NWD1: variants seen among roughly 807,000 people sequenced by gnomAD.
The protein encoded by NWD1 is NACHT and WD repeat domain containing 1, also known as NACHT domain- and WD repeat-containing protein 1.
NWD1 carries 129 observed loss-of-function variants against 135.1 expected under a neutral mutation model. The ratio of observed to expected loss-of-function variants is 0.96; its 90% CI spans 0.83 to 1.11. The LOEUF (loss-of-function observed/expected upper bound fraction) is 1.11. NWD1 is among the 50% of genes least tolerant of loss of function. NWD1 has a pLI of 0.00. For synonymous variants in NWD1, 773 were observed against 786.0 expected, an observed-to-expected ratio of 0.98 and a Z score of 0.28; for missense variants, 1,740 against 1,851.3, an observed-to-expected ratio of 0.94 and a Z score of 1.10.
rs1349346791 is a variant in NWD1 at position 16,799,994 on chromosome 19, C to T, written c.3568C>T (p.Gln1190Ter). 4 of 1,614,094 alleles carry T rather than the reference C, an allele frequency of 2.5e-6. No homozygotes were observed. Among genetic ancestry groups the T allele is most frequent in the East Asian group, 4.5e-5 (2 of 44,890 alleles). ...GGCTTTGGTGGCATCTGCTTCCCCA[C>T]AGTCCTCATCTTTCAAGGTCTGGGA... The part of the protein sequence containing the change: ...GGALVASASP[Q>*]SSSFKVWDLS... The change falls in exon 17 of 19, where the codon CAG (glutamine) becomes TAG (stop). Residue 1190 changes from glutamine (Q) to a stop codon, truncating the protein, a stop_gained. Coordinates refer to ENST00000524140, the MANE Select transcript of NWD1 (RefSeq NM_001007525.5). LOFTEE classifies it high-confidence loss of function.
At chr19:16,804,673 G>C (rs919822351) in intron 17 of NWD1, among the ~76,000 whole-genome samples, 2 of 151,924 alleles carry the variant, frequency 1.3e-5, no homozygotes, top group African/African-American at 4.8e-5. Flanking sequence ...CAAGATCAAG[G>C]TGCCAGCAAC....
At position 16,789,051 on chromosome 19, in the gene NWD1, T is replaced by C. The variant is rs1342805623; in HGVS notation, c.2801T>C (p.Leu934Pro). 1 of 1,613,426 alleles carries C rather than the reference T, an allele frequency of 6.2e-7. No homozygotes were observed. Among genetic ancestry groups the C allele is most frequent in the East Asian group, 2.2e-5 (1 of 44,884 alleles). The change falls in exon 13 of 19, where the codon CTG becomes CCG. Residue 934 changes from leucine (L) to proline (P), a missense_variant. Coordinates refer to ENST00000524140, the MANE Select transcript of NWD1 (RefSeq NM_001007525.5). ...AACTCTGCTTCAAAGGATTACACGC[T>C]GCACTTGTGGAACTTACTCTCTGGC... ...LANSASKDYT[L>P]HLWNLLSGQE...
intron 6 of NWD1, among the ~76,000 whole-genome samples, chr19:16,753,660 T>C (rs1462552637): frequency 6.6e-6 from 1 of 152,072 alleles, no homozygotes; most frequent in Non-Finnish European, 1.5e-5. Context: ...CTGAGTGGAG[T>C]CCAGGGATGC....
chr19:16,758,521 C>T (rs1014181325), intron 6 of NWD1, among the ~76,000 whole-genome samples: 6 of 152,164 alleles, frequency 3.9e-5, no homozygotes, highest in African/African-American at 1.4e-4. Flanking sequence ...GAGCAGTCCT[C>T]CTGCCTCAGC....
intron 12 of NWD1, among the ~76,000 whole-genome samples, chr19:16,786,988 A>G (rs1970061352): frequency 6.6e-6 from 1 of 152,092 alleles, no homozygotes; most frequent in Non-Finnish European, 1.5e-5. Context: ...TTTCCTCCAC[A>G]TCTCTCATGA....
At chr19:16,793,084 AG>A (rs1177415447) in intron 14 of NWD1, among the ~76,000 whole-genome samples, 4 of 151,796 alleles carry the variant, frequency 2.6e-5, no homozygotes, top group African/African-American at 9.7e-5. Context: ...AAAGAAAAGA[AG>A]AAGAAGAATC....
intron 11 of NWD1, among the ~76,000 whole-genome samples, chr19:16,774,456 C>T (rs1969529357): frequency 6.6e-6 from 1 of 151,582 alleles, no homozygotes; most frequent in South Asian, 2.1e-4. Flanking sequence ...TCTACTGTTC[C>T]ACTGTTCCAT....
Position 16,807,629 on chromosome 19 carries a change from T to C in NWD1, c.3780T>C (p.Cys1260=), listed in dbSNP as rs775368938. Residue 1260 remains cysteine (C), a synonymous_variant, in exon 18 of 19, where the codon TGT becomes TGC. Coordinates refer to ENST00000524140, the MANE Select transcript of NWD1 (RefSeq NM_001007525.5). The part of the protein sequence containing the change: ...DSLDTSSEIR[C]LEVAEQRKLL... ...TGGACACCTCCAGTGAGATCAGGTG[T>C]CTGGAGGTTGCTGAGCAGCGCAAGC... 1.3e-5 allele frequency: 20 copies of C among 1,552,260 alleles called. No homozygotes were observed. In the East Asian group the frequency reaches 2.5e-4, roughly 19 times the overall value.
chr19:16,733,413 C>A (rs576560206), intron 3 of NWD1, among the ~76,000 whole-genome samples: 1 of 149,952 alleles, frequency 6.7e-6, no homozygotes, highest in Admixed American at 6.7e-5. Context: ...CCCAGCTACT[C>A]GGGAGGCTGG....
At chr19:16,786,900 C>T (rs1970059348) in intron 12 of NWD1, among the ~76,000 whole-genome samples, 1 of 152,216 alleles carries the variant, frequency 6.6e-6, no homozygotes, top group Admixed American at 6.5e-5. Flanking sequence ...GAGCGCCATC[C>T]TCATAACCTA....
chr19:16,773,408 T>A, intron 11 of NWD1, 85 bp downstream of exon 11: 1 of 1,190,052 alleles, frequency 8.4e-7, no homozygotes, highest in Non-Finnish European at 1.2e-6. Context: ...GGTTGTCCTC[T>A]GGGACTCCCC....
Position 16,779,363 on chromosome 19 carries a change from G to A in NWD1, c.2629G>A (p.Gly877Ser), listed in dbSNP as rs1969773337. 6.2e-7 allele frequency: 1 copy of A among 1,613,832 alleles called. No homozygotes were observed. Among genetic ancestry groups the A allele is most frequent in the Admixed American group, 1.7e-5 (1 of 59,966 alleles). The change falls in exon 12 of 19, where the codon GGT becomes AGT. Residue 877 changes from glycine to serine, a missense_variant. Transcript: ENST00000524140. ...CHKGITAMAW[G>S]VEEKLLVIGT... ...TGCAGGCATCACCGCCATGGCATGG[G>A]GTGTGGAGGAGAAGCTGCTGGTGAT... is the stretch of plus-strand genomic sequence containing the variant.
At chr19:16,778,242 T>C (rs1969724744) in intron 11 of NWD1, among the ~76,000 whole-genome samples, 1 of 152,118 alleles carries the variant, frequency 6.6e-6, no homozygotes, top group African/African-American at 2.4e-5. Flanking sequence ...TTTCTTAGTG[T>C]CTAGGCCCAC....
At chr19:16,728,611 A>G (rs576177022) in intron 2 of NWD1, among the ~76,000 whole-genome samples, 2 of 151,742 alleles carry the variant, frequency 1.3e-5, no homozygotes, top group African/African-American at 4.8e-5. Context: ...ATGTGCTCTC[A>G]TAGAAATTAC....
intron 17 of NWD1, among the ~76,000 whole-genome samples, chr19:16,802,451 C>T (rs12327628): frequency 1.5e-5 from 2 of 137,756 alleles, no homozygotes; most frequent in African/African-American, 5.4e-5. Context: ...CAGAGCAAGA[C>T]CCTATCTCAA....
intron 7 of NWD1, among the ~76,000 whole-genome samples, chr19:16,761,759 ATG>A (rs1969021387): frequency 6.6e-6 from 1 of 152,130 alleles, no homozygotes. Context: ...AGGAGCTCAA[ATG>A]TTCCTCTTTG....
At position 16,749,372 on chromosome 19, in the gene NWD1, C is replaced by T. The variant is rs61747578; in HGVS notation, c.730C>T (p.Leu244=). The T allele has an allele frequency of 1.6e-3, 2,555 of 1,613,762 alleles. 26 individuals carry two copies. In the African/African-American group the frequency reaches 0.027, roughly 17 times the overall value. ...MHPGVLKTHR[L]PWSRDLVNPK... The stretch of plus-strand genomic sequence containing the variant: ...CCCAGGGGTCCTCAAGACCCACCGC[C>T]TGCCGTGGAGCCGCGACTTGGTGAA... Residue 244 remains leucine (L), a synonymous_variant, in exon 6 of 19, where the codon CTG becomes TTG. Coordinates refer to ENST00000524140, the MANE Select transcript of NWD1 (RefSeq NM_001007525.5).
At chr19:16,733,520 C>CAA (rs11436280) in intron 3 of NWD1, among the ~76,000 whole-genome samples, 2,101 of 133,316 alleles carry the variant, frequency 0.016, 36 homozygotes, top group African/African-American at 0.019. Flanking sequence ...GATTCTGTCT[C>CAA]AAAAAAAAAA....
At chr19:16,767,632 C>T (rs1969272933) in intron 10 of NWD1, among the ~76,000 whole-genome samples, 2 of 151,910 alleles carry the variant, frequency 1.3e-5, no homozygotes, top group Non-Finnish European at 2.9e-5. Context: ...CCCAAAAAAC[C>T]ATCAGATCTC....
Sources: gnomAD v4.1 joint callset for allele counts (sites outside exome capture counted in the v4.1 genomes callset) on GRCh38, gnomAD v4.1.1 for gene constraint, MANE v1.5 for transcripts, NCBI Gene and HGNC (gene_info 2026-07-23, HGNC 2026-07-21) for gene names.